Variants in ARL3 observed in about 807,000 individuals in gnomAD.
ARL3 encodes the protein ARF like GTPase 3.
A neutral mutation model predicts 26.0 loss-of-function variants in ARL3; 9 were observed. The observed-to-expected ratio is 0.35, with a 90% CI of 0.21 to 0.60. ARL3 has a LOEUF of 0.60. ARL3 is among the 20% of genes least tolerant of loss of function. The probability of loss-of-function intolerance (pLI) is 0.78; values close to 1 mark genes in which losing one functional copy is unlikely to be tolerated. For synonymous variants in ARL3, 71 were observed against 78.4 expected (o/e 0.91, Z 0.50); for missense variants, 158 against 215.7 (o/e 0.73, Z 1.67).
At chr10:102,702,126 G>A (rs570070403) in intron 2 of ARL3, among the ~76,000 whole-genome samples, 10 of 152,118 alleles carry the variant, frequency 6.6e-5, no homozygotes, top group African/African-American at 2.4e-4. Context: ...AGGAATTTGA[G>A]GCTGCAGTGA....
At chr10:102,706,156 A>T (rs927001603) in intron 1 of ARL3, among the ~76,000 whole-genome samples, 3 of 152,210 alleles carry the variant, frequency 2.0e-5, no homozygotes, top group African/African-American at 4.8e-5. Context: ...AAAAATTTTT[A>T]AAAAAGATTT....
intron 5 of ARL3, among the ~76,000 whole-genome samples, chr10:102,678,495 G>T (rs1396844114): frequency 6.6e-6 from 1 of 151,938 alleles, no homozygotes; most frequent in Non-Finnish European, 1.5e-5. Flanking sequence ...ATCTTCTCTC[G>T]CCTGGGAAGC....
chr10:102,686,391 GA>G (rs10708938), intron 4 of ARL3, among the ~76,000 whole-genome samples: 150,277 of 150,552 alleles, frequency 1, 75,001 homozygotes, highest in East Asian at 1. Flanking sequence ...GTTCTAATCA[GA>G]AAAAAAAATA....
At chr10:102,683,334 T>C (rs916083654) in intron 5 of ARL3, among the ~76,000 whole-genome samples, 6 of 152,184 alleles carry the variant, frequency 3.9e-5, no homozygotes, top group Non-Finnish European at 8.8e-5. Context: ...AAATAACCCA[T>C]TTCAAATAAT....
At chr10:102,708,905 TATA>T (rs1160703454) in intron 1 of ARL3, among the ~76,000 whole-genome samples, 2 of 110,618 alleles carry the variant, frequency 1.8e-5, no homozygotes, top group African/African-American at 6.6e-5. Flanking sequence ...TATATATATA[TATA>T]TTTTTTTTTT....
At chr10:102,697,119 A>G (rs1486845221) in intron 3 of ARL3, among the ~76,000 whole-genome samples, 1 of 152,154 alleles carries the variant, frequency 6.6e-6, no homozygotes, top group African/African-American at 2.4e-5. Context: ...TAAACATATA[A>G]AAGGTAATGT....
intron 4 of ARL3, among the ~76,000 whole-genome samples, chr10:102,687,979 ATTACT>A (rs1294191789): frequency 2.0e-5 from 3 of 152,108 alleles, no homozygotes; most frequent in Non-Finnish European, 4.4e-5. Flanking sequence ...GAAAATGACA[ATTACT>A]TTAGAGATAA....
At chr10:102,714,198 G>GT in intron 1 of ARL3, 75 bp downstream of exon 1, 1 of 1,306,830 alleles carries the variant, frequency 7.7e-7, no homozygotes, top group Non-Finnish European at 9.8e-7. Context: ...TTTAAGCGCA[G>GT]TGCTCCGCCC....
Position 102,714,254 on chromosome 10 carries a change from C to T in ARL3, c.3+19G>A. ...GGATAACCGGCCGGCTCCAAGGGGGCCCAGGCCCCCACACTCACCATCCTC... is the reference window on the plus strand; with the variant it reads ...GGATAACCGGCCGGCTCCAAGGGGGTCCAGGCCCCCACACTCACCATCCTC... On this transcript the variant is annotated intron_variant, in intron 1 of 5. Coordinates refer to ENST00000260746, the MANE Select transcript of ARL3 (RefSeq NM_004311.4). 8 of 1,313,536 alleles carry T rather than the reference C, an allele frequency of 6.1e-6. No homozygotes were observed. Among genetic ancestry groups the T allele is most frequent in the Non-Finnish European group, 7.8e-6 (8 of 1,022,532 alleles). The allele number at this position is 1,313,536 out of a possible 1,614,324, so 81.4% of individuals were successfully genotyped here.
intron 3 of ARL3, among the ~76,000 whole-genome samples, chr10:102,697,419 C>T (rs1277713471): frequency 6.6e-6 from 1 of 152,158 alleles, no homozygotes; most frequent in Non-Finnish European, 1.5e-5. Flanking sequence ...CCTCGTGATC[C>T]ACCTGCCTTG....
chr10:102,687,698 A>AT lies in ARL3; in HGVS notation c.316-1698dup, dbSNP rs1168649605. 5.3e-5 allele frequency among the ~76,000 whole-genome samples: 8 copies of AT among 150,694 alleles called. No individual in the cohort carries two copies. In the East Asian group the frequency reaches 5.9e-4, roughly 11 times the overall value. ...GTGAGATTCTGCCTGGAAAAAAAAAATTTTTTTTTGTAGAGACAGGGTTTT... is the reference window on the plus strand; with the variant it reads ...GTGAGATTCTGCCTGGAAAAAAAAAATTTTTTTTTTGTAGAGACAGGGTTTT... On this transcript the variant is annotated intron_variant, in intron 4 of 5. Transcript: ENST00000260746.
chr10:102,703,595 TGCCAC>T (rs759412778), intron 2 of ARL3, among the ~76,000 whole-genome samples: 102 of 150,544 alleles, frequency 6.8e-4, no homozygotes, highest in South Asian at 3.0e-3. Flanking sequence ...AGGTGCCCAC[TGCCAC>T]GCCCAGCCAA....
In ARL3 at chr10:102,690,886, C is replaced by CT. The variant is rs754286740; in HGVS notation, c.265-944dup. 8.0e-3 allele frequency among the ~76,000 whole-genome samples: 1,083 copies of CT among 134,586 alleles called. 16 individuals are homozygous for CT. Among genetic ancestry groups the CT allele is most frequent in the East Asian group, 0.043 (200 of 4,654 alleles). 88.3% of individuals were successfully genotyped at this position (134,586 alleles called of 152,430 possible). A position where few individuals can be genotyped will look rare whatever the true frequency, so the allele number is the denominator to read the frequency against. ...GAGTTACTCTTAGTCTTTCAAACCT[C>CT]TTTTTTTTTTTTTTTTTTGAGATGG... is the stretch of plus-strand genomic sequence containing the variant. On this transcript the variant is annotated intron_variant, in intron 3 of 5. Transcript: ENST00000260746.
In ARL3 at chr10:102,696,050, G is replaced by A. The variant is rs777181778; in HGVS notation, c.264+3323C>T. On this transcript the variant is annotated intron_variant, in intron 3 of 5. Coordinates refer to ENST00000260746, the MANE Select transcript of ARL3 (RefSeq NM_004311.4). Reference sequence around the variant, plus strand: ...GCAATCTTGGCTCACTGCAAGCTCCGCCTCCCAGGTTCATGCCATTCTCCT... The same window carrying A: ...GCAATCTTGGCTCACTGCAAGCTCCACCTCCCAGGTTCATGCCATTCTCCT... Among the ~76,000 whole-genome samples the A allele has an allele frequency of 1.3e-4, 20 of 150,184 alleles. No individual in the cohort carries two copies. In the South Asian group the frequency reaches 2.3e-3, roughly 18 times the overall value.
At chr10:102,704,389 C>CA (rs1202841437) in intron 2 of ARL3, among the ~76,000 whole-genome samples, 1 of 151,880 alleles carries the variant, frequency 6.6e-6, no homozygotes, top group Non-Finnish European at 1.5e-5. Context: ...CCTGTAATCC[C>CA]AGCACTTTGG....
chr10:102,682,918 G>GA (rs976661222), intron 5 of ARL3, among the ~76,000 whole-genome samples: 3 of 151,832 alleles, frequency 2.0e-5, no homozygotes, highest in South Asian at 2.1e-4. Flanking sequence ...GGGTAGGGAG[G>GA]AAAAAAACAG....
At chr10:102,683,632 TACTC>T (rs2064167159) in intron 5 of ARL3, among the ~76,000 whole-genome samples, 2 of 152,222 alleles carry the variant, frequency 1.3e-5, no homozygotes, top group South Asian at 4.1e-4. Flanking sequence ...AATCTCACTT[TACTC>T]ACTCAAACTG....
At chr10:102,707,993 A>C (rs1315844999) in intron 1 of ARL3, among the ~76,000 whole-genome samples, 3 of 151,978 alleles carry the variant, frequency 2.0e-5, no homozygotes, top group Non-Finnish European at 4.4e-5. Flanking sequence ...GGCTAACTGC[A>C]GCTTCGACTC....
chr10:102,706,160 A>C (rs1012487774), intron 1 of ARL3, among the ~76,000 whole-genome samples: 4 of 152,160 alleles, frequency 2.6e-5, no homozygotes, highest in Non-Finnish European at 5.9e-5. Flanking sequence ...ATTTTTAAAA[A>C]AGATTTTATC....
Sources: allele counts gnomAD v4.1 joint callset (sites outside exome capture counted in the v4.1 genomes callset), GRCh38; gene constraint gnomAD v4.1.1; transcripts MANE v1.5; gene names NCBI Gene and HGNC (gene_info 2026-07-23, HGNC 2026-07-21).